Variants in PARD3 observed in about 807,000 individuals in gnomAD.
PARD3 encodes the protein partitioning defective 3 homolog.
Under a neutral mutation model 155.4 loss-of-function variants are expected in PARD3, and 75 were observed. The observed-to-expected ratio is 0.48, with a 90% CI of 0.40 to 0.58. The LOEUF is 0.58. Ranked by LOEUF, PARD3 falls within the 20% of genes least tolerant of loss-of-function variation. PARD3 has a pLI of 0.00. For missense variants in PARD3, 1,642 were observed against 1,721.7 expected (o/e 0.95, Z 0.82); for synonymous variants, 576 against 610.5 (o/e 0.94, Z 0.83).
chr10:34,174,114 A>G (rs573539864), intron 22 of PARD3, among the ~76,000 whole-genome samples: 3 of 152,234 alleles, frequency 2.0e-5, no homozygotes, highest in Non-Finnish European at 4.4e-5. Context: ...GTCACCAAGC[A>G]TAACGATGCT....
chr10:34,517,395 A>G (rs1224296647), intron 2 of PARD3, among the ~76,000 whole-genome samples: 2 of 152,260 alleles, frequency 1.3e-5, no homozygotes, highest in African/African-American at 4.8e-5. Context: ...TGAAAAAATA[A>G]TAAAATTGTT....
chr10:34,669,571 T>C (rs757763925), intron 2 of PARD3, among the ~76,000 whole-genome samples: 2 of 152,070 alleles, frequency 1.3e-5, no homozygotes, highest in Non-Finnish European at 2.9e-5. Flanking sequence ...ACTGCACTTG[T>C]ATTCCTTACG....
chr10:34,321,736 T>C (rs1435380865), intron 19 of PARD3, among the ~76,000 whole-genome samples: 2 of 152,202 alleles, frequency 1.3e-5, no homozygotes, highest in African/African-American at 4.8e-5. Context: ...ATGTTACAAA[T>C]TAAGGCACTC....
intron 24 of PARD3, among the ~76,000 whole-genome samples, chr10:34,114,261 C>T (rs570709810): frequency 2.0e-5 from 3 of 152,110 alleles, no homozygotes; most frequent in South Asian, 2.1e-4. Context: ...GACCTCATCT[C>T]TAAAAGAGGA....
rs552943202 is a variant in PARD3, at chr10:34,164,231, A to G, written c.3420-32648T>C. Among the ~76,000 whole-genome samples, 29 of 152,352 alleles carry G rather than the reference A, an allele frequency of 1.9e-4. 2 individuals are homozygous for G. In the South Asian group the frequency reaches 6.0e-3, roughly 32 times the overall value. ...TCTGTTTTTGTAACAACTTTGAAAG[A>G]TGAATAGGAAAGTTTGTTTATTTCC... On this transcript the variant is annotated intron_variant, in intron 22 of 24. Transcript: ENST00000374788.
At chr10:34,153,580 C>T (rs1048815190) in intron 22 of PARD3, among the ~76,000 whole-genome samples, 4 of 152,152 alleles carry the variant, frequency 2.6e-5, no homozygotes, top group African/African-American at 9.7e-5. Context: ...TTCAGATCCC[C>T]TCAGAGCAAG....
At chr10:34,302,092 T>C (rs567340787) in intron 20 of PARD3, among the ~76,000 whole-genome samples, 1 of 152,078 alleles carries the variant, frequency 6.6e-6, no homozygotes, top group African/African-American at 2.4e-5. Flanking sequence ...AGGAGCAGAG[T>C]CAAGCCATAT....
Position 34,344,507 on chromosome 10 carries a change from C to A in PARD3, c.2219-2691G>T, listed in dbSNP as rs562884195. On this transcript the variant is annotated intron_variant, in intron 15 of 24. Coordinates refer to ENST00000374788, the MANE Select transcript of PARD3 (RefSeq NM_001184785.2). ...ATGTTGGCCAGGCTGGTCTTAAACT[C>A]CTGACCTCAGTTGATCCACCTGCCT... 29 of 786,764 alleles carry A rather than the reference C, an allele frequency of 3.7e-5. No homozygotes were observed. The South Asian group carries it at 1.5e-3, about 41-fold the overall frequency. The allele number at this position is 786,764 out of a possible 1,614,324, so 48.7% of individuals were successfully genotyped here. A position where few individuals can be genotyped will look rare whatever the true frequency, so the allele number is the denominator to read the frequency against.
At chr10:34,707,225 A>T (rs1020787320) in intron 1 of PARD3, among the ~76,000 whole-genome samples, 27 of 151,784 alleles carry the variant, frequency 1.8e-4, no homozygotes, top group Admixed American at 3.9e-4. Flanking sequence ...AGTCTGGGTG[A>T]CAGAGTGAGA....
intron 3 of PARD3, among the ~76,000 whole-genome samples, chr10:34,492,944 G>A (rs1356959263): frequency 1.3e-5 from 2 of 152,146 alleles, no homozygotes; most frequent in African/African-American, 4.8e-5. Flanking sequence ...GGAAAATGAG[G>A]GAATGAATAG....
intron 20 of PARD3, among the ~76,000 whole-genome samples, chr10:34,307,918 G>T (rs191893688): frequency 8.8e-4 from 134 of 152,290 alleles, no homozygotes; most frequent in African/African-American, 3.0e-3. Context: ...TGTGAAAAAT[G>T]ATGCCAAAAA....
chr10:34,310,544 T>G (rs1466518522), intron 20 of PARD3, among the ~76,000 whole-genome samples: 1 of 152,220 alleles, frequency 6.6e-6, no homozygotes, highest in Non-Finnish European at 1.5e-5. Context: ...TTAAAGAATG[T>G]CAGAAAAGGT....
chr10:34,431,797 C>G (rs865974956), intron 5 of PARD3, among the ~76,000 whole-genome samples: 31 of 107,256 alleles, frequency 2.9e-4, no homozygotes, highest in Admixed American at 7.5e-4. Context: ...TGCCTGTAAT[C>G]CCAGCAGTTT....
At chr10:34,359,412 CA>C (rs377313990) in intron 13 of PARD3, 95 bp from the exon 14 acceptor site, 122,564 of 594,430 alleles carry the variant, frequency 0.21, 739 homozygotes, top group South Asian at 0.25. Context: ...AAAAACAAAG[CA>C]AAAAAAAAAA....
chr10:34,299,663 T>C (rs1262337795), intron 20 of PARD3, among the ~76,000 whole-genome samples: 1 of 152,210 alleles, frequency 6.6e-6, no homozygotes, highest in African/African-American at 2.4e-5. Flanking sequence ...GAATAAAAGA[T>C]AATAAGACCT....
chr10:34,645,181 TTTTATTTTTATTTTATTTTGATTTA>T (rs2092799541), intron 2 of PARD3, among the ~76,000 whole-genome samples: 2 of 146,030 alleles, frequency 1.4e-5, no homozygotes, highest in Admixed American at 6.9e-5. Context: ...TTTTATTTTA[TTTTATTTTTATTTTATTTTGATTTA>T]TTTTATTTTA....
chr10:34,279,773 GACACAGATAGTTCA>G (rs1956074193), intron 21 of PARD3, among the ~76,000 whole-genome samples: 1 of 152,062 alleles, frequency 6.6e-6, no homozygotes, highest in Admixed American at 6.6e-5. Context: ...CCCACTGAAG[GACACAGATAGTTCA>G]ACGGTCTGGT....
At chr10:34,363,246 A>T (rs146690509) in intron 12 of PARD3, among the ~76,000 whole-genome samples, 1 of 152,320 alleles carries the variant, frequency 6.6e-6, no homozygotes, top group Non-Finnish European at 1.5e-5. Context: ...ATGAAGAAAA[A>T]TTTTAATCAA....
In PARD3 at chr10:34,595,606, G is replaced by T. The variant is rs1176223285; in HGVS notation, c.223-78447C>A. 5.3e-5 allele frequency among the ~76,000 whole-genome samples: 8 copies of T among 152,304 alleles called. No homozygotes were observed. In the East Asian group the frequency reaches 1.3e-3, roughly 26 times the overall value. ...GTCCCATCTAAACTATTTCAAGGAA[G>T]AAGGGTGTCTGGTACTATAACCTTC... On this transcript the variant is annotated intron_variant, in intron 2 of 24. Coordinates refer to ENST00000374788, the MANE Select transcript of PARD3 (RefSeq NM_001184785.2).
Sources: gnomAD v4.1 joint callset for allele counts (sites outside exome capture counted in the v4.1 genomes callset) on GRCh38, gnomAD v4.1.1 for gene constraint, MANE v1.5 for transcripts, NCBI Gene and HGNC (gene_info 2026-07-23, HGNC 2026-07-21) for gene names.